Variants in PLCB1 observed in about 807,000 individuals in gnomAD.
The protein encoded by PLCB1 is 1-phosphatidylinositol 4,5-bisphosphate phosphodiesterase beta-1.
PLCB1 carries 46 observed loss-of-function variants against 161.8 expected under a neutral mutation model. The observed-to-expected ratio is 0.28, with a 90% CI of 0.22 to 0.36. PLCB1 has a LOEUF of 0.36. Among genes scored for constraint, PLCB1 ranks in the 10% least tolerant of loss-of-function variants. PLCB1 has a pLI of 1.00. For missense variants in PLCB1, 1,016 were observed against 1,472.5 expected (o/e 0.69, Z 5.07); for synonymous variants, 517 against 503.7 (o/e 1.03, Z -0.35).
intron 6 of PLCB1, among the ~76,000 whole-genome samples, chr20:8,649,120 C>T (rs749032606): frequency 1.3e-5 from 2 of 152,030 alleles, no homozygotes; most frequent in Admixed American, 6.5e-5. Context: ...TTATTTAATG[C>T]AATATTTTTT....
intron 3 of PLCB1, among the ~76,000 whole-genome samples, chr20:8,583,926 C>T (rs532446685): frequency 1.5e-3 from 228 of 152,118 alleles, no homozygotes; most frequent in Non-Finnish European, 2.2e-3. Flanking sequence ...AAAAAGGGGC[C>T]CGTCAGCACT....
At chr20:8,492,473 T>G (rs576383020) in intron 3 of PLCB1, among the ~76,000 whole-genome samples, 34 of 152,106 alleles carry the variant, frequency 2.2e-4, no homozygotes, top group Admixed American at 8.5e-4. Context: ...TTTTTCTCTG[T>G]GTGTGTGTGT....
At chr20:8,181,095 A>G (rs567680001) in intron 2 of PLCB1, among the ~76,000 whole-genome samples, 4 of 151,982 alleles carry the variant, frequency 2.6e-5, no homozygotes, top group Admixed American at 2.6e-4. Flanking sequence ...TACTAAAAAT[A>G]CAAAAATTAG....
chr20:8,653,501 T>G (rs891257695), intron 7 of PLCB1: 21 of 151,994 alleles, frequency 1.4e-4, no homozygotes, highest in African/African-American at 5.1e-4. Flanking sequence ...AATGTTTTAT[T>G]TATAGTTTCA....
At chr20:8,195,709 A>G (rs1186630993) in intron 2 of PLCB1, among the ~76,000 whole-genome samples, 1 of 152,108 alleles carries the variant, frequency 6.6e-6, no homozygotes, top group Non-Finnish European at 1.5e-5. Flanking sequence ...TAGTCTTCTG[A>G]AATCTGTGAC....
intron 4 of PLCB1, among the ~76,000 whole-genome samples, chr20:8,629,822 TTTC>T (rs1445600891): frequency 7.0e-5 from 4 of 57,138 alleles, no homozygotes; most frequent in South Asian, 1.1e-3. Flanking sequence ...CTTTCTTTTC[TTTC>T]TTTCTTTCTT....
intron 31 of PLCB1, among the ~76,000 whole-genome samples, chr20:8,832,678 G>C (rs1366133806): frequency 6.6e-6 from 1 of 152,214 alleles, no homozygotes; most frequent in Admixed American, 6.5e-5. Flanking sequence ...AAAAGAATCA[G>C]AATCGAAAGC....
chr20:8,541,886 A>T (rs576974904), intron 3 of PLCB1, among the ~76,000 whole-genome samples: 15 of 152,266 alleles, frequency 9.9e-5, no homozygotes, highest in Admixed American at 2.0e-4. Context: ...TTGAAGTGGT[A>T]GTACAATTTG....
At chr20:8,833,955 G>T (rs1158062339) in intron 31 of PLCB1, among the ~76,000 whole-genome samples, 4 of 151,748 alleles carry the variant, frequency 2.6e-5, no homozygotes, top group Non-Finnish European at 4.4e-5. Flanking sequence ...ATTTCTTGTG[G>T]GTTGTATGTG....
Position 8,285,300 on chromosome 20 carries a change from A to G in PLCB1, c.178-86082A>G, listed in dbSNP as rs1983062291. On this transcript the variant is annotated intron_variant, in intron 2 of 31. Transcript: ENST00000338037. Reference sequence around the variant, plus strand: ...TAAATATATATATTTATATCTATATACATATACATCACAGTATCTTCAGGG... The same window carrying G: ...TAAATATATATATTTATATCTATATGCATATACATCACAGTATCTTCAGGG... Among the ~76,000 whole-genome samples, 3 of 149,986 alleles carry G rather than the reference A, an allele frequency of 2.0e-5. No homozygotes were observed. In the South Asian group the frequency reaches 6.2e-4, roughly 31 times the overall value.
intron 2 of PLCB1, among the ~76,000 whole-genome samples, chr20:8,256,191 T>C (rs1331710436): frequency 2.6e-5 from 4 of 152,108 alleles, no homozygotes; most frequent in Admixed American, 2.0e-4. Context: ...ACTGTATCTG[T>C]TAACTATTGC....
At chr20:8,842,630 C>T (rs532578512) in intron 31 of PLCB1, among the ~76,000 whole-genome samples, 1 of 152,212 alleles carries the variant, frequency 6.6e-6, no homozygotes, top group African/African-American at 2.4e-5. Context: ...ACTGAGCTCC[C>T]GGAGTGAGCA....
At chr20:8,759,886 A>G (rs1338487279) in intron 24 of PLCB1, among the ~76,000 whole-genome samples, 4 of 142,872 alleles carry the variant, frequency 2.8e-5, no homozygotes, top group Admixed American at 7.6e-5. Context: ...AATGGGGCAT[A>G]TAATATCACA....
intron 2 of PLCB1, among the ~76,000 whole-genome samples, chr20:8,174,203 G>A (rs1170325591): frequency 6.6e-6 from 1 of 152,084 alleles, no homozygotes; most frequent in African/African-American, 2.4e-5. Flanking sequence ...GTAAACTTCT[G>A]AAAACAAAGG....
chr20:8,303,067 G>T (rs1983980119), intron 2 of PLCB1, among the ~76,000 whole-genome samples: 1 of 152,192 alleles, frequency 6.6e-6, no homozygotes, highest in African/African-American at 2.4e-5. Context: ...ACAAAGAGAG[G>T]TAAGGAGTAG....
At chr20:8,604,962 T>TA (rs917757840) in intron 3 of PLCB1, among the ~76,000 whole-genome samples, 4 of 152,100 alleles carry the variant, frequency 2.6e-5, no homozygotes, top group African/African-American at 9.7e-5. Flanking sequence ...ATTTATTTTT[T>TA]AAAAAACCCT....
chr20:8,689,085 ATTT>A (rs57357454), intron 10 of PLCB1, among the ~76,000 whole-genome samples: 4 of 142,558 alleles, frequency 2.8e-5, no homozygotes, highest in African/African-American at 2.6e-5. Flanking sequence ...ATTCCTCAGT[ATTT>A]TTTTTTTTTT....
chr20:8,517,896 C>T (rs1401554496), intron 3 of PLCB1, among the ~76,000 whole-genome samples: 1 of 152,148 alleles, frequency 6.6e-6, no homozygotes. Context: ...AAAAGTTTAT[C>T]TTCCTGGCTA....
At chr20:8,163,394 C>A (rs1486879575) in intron 2 of PLCB1, among the ~76,000 whole-genome samples, 1 of 152,162 alleles carries the variant, frequency 6.6e-6, no homozygotes, top group African/African-American at 2.4e-5. Context: ...GGGCCCTAGG[C>A]TTTGAGAAAT....
Sources: allele counts gnomAD v4.1 joint callset (sites outside exome capture counted in the v4.1 genomes callset), GRCh38; gene constraint gnomAD v4.1.1; transcripts MANE v1.5; gene names NCBI Gene and HGNC (gene_info 2026-07-23, HGNC 2026-07-21).